The following PARD3B variants were observed in gnomAD, a reference collection of about 807,000 sequenced individuals.
PARD3B encodes the protein par-3 family cell polarity regulator beta, also known as partitioning defective 3 homolog B.
A neutral mutation model predicts 130.2 loss-of-function variants in PARD3B; 103 were observed. That is an observed-to-expected ratio of 0.79 (90% CI 0.67 to 0.93). The LOEUF is 0.93. Among genes scored for constraint, PARD3B ranks in the 40% least tolerant of loss-of-function variants. PARD3B has a pLI of 0.00. For missense variants in PARD3B, 1,609 were observed against 1,499.2 expected, an observed-to-expected ratio of 1.07 and a Z score of -1.21; for synonymous variants, 583 against 553.2, an observed-to-expected ratio of 1.05 and a Z score of -0.76.
At chr2:205,222,930 A>C (rs142055747) in intron 15 of PARD3B, among the ~76,000 whole-genome samples, 13 of 152,276 alleles carry the variant, frequency 8.5e-5, no homozygotes, top group African/African-American at 3.1e-4. Context: ...TTTTGTAAAG[A>C]TGAGTAAAAT....
chr2:205,152,254 A>C (rs954743350), intron 10 of PARD3B, among the ~76,000 whole-genome samples: 1 of 152,060 alleles, frequency 6.6e-6, no homozygotes, highest in East Asian at 1.9e-4. Flanking sequence ...TGCTCTTCTC[A>C]AGGAGTATCT....
intron 16 of PARD3B, among the ~76,000 whole-genome samples, chr2:205,296,450 T>G (rs527817967): frequency 6.6e-6 from 1 of 152,304 alleles, no homozygotes; most frequent in East Asian, 1.9e-4. Context: ...AAGGACCTTC[T>G]GTTTCATAGC....
intron 2 of PARD3B, among the ~76,000 whole-genome samples, chr2:204,783,228 T>G (rs1288300256): frequency 1.3e-5 from 2 of 152,114 alleles, no homozygotes; most frequent in East Asian, 1.9e-4. Flanking sequence ...CTGACCCAAA[T>G]GGAGGGAACC....
At chr2:204,797,200 A>G (rs1201486678) in intron 2 of PARD3B, among the ~76,000 whole-genome samples, 1 of 149,972 alleles carries the variant, frequency 6.7e-6, no homozygotes, top group East Asian at 2.0e-4. Context: ...AAAAAAGTTT[A>G]TGCTATAGAA....
In PARD3B at chr2:204,727,084, A is replaced by G. The variant is rs1012529384; in HGVS notation, c.222+40802A>G. The stretch of plus-strand genomic sequence containing the variant: ...GAACAGTTTGAGAAGTTTATCAAGG[A>G]ATAACTTAAGAAAAATACTGCATGC... On this transcript the variant is annotated intron_variant, in intron 2 of 22. Transcript: ENST00000406610. 4.6e-5 allele frequency among the ~76,000 whole-genome samples: 7 copies of G among 152,348 alleles called. No individual in the cohort carries two copies. The South Asian group carries it at 8.3e-4, about 18-fold the overall frequency.
In PARD3B at chr2:205,421,889, C is replaced by A. The variant is rs1267568097; in HGVS notation, c.2742-18481C>A. On this transcript the variant is annotated intron_variant, in intron 19 of 22. Transcript: ENST00000406610. The surrounding 1 kb of genome is among the most constrained non-coding windows in gnomAD (Gnocchi z 5.1). ...TCTCTCCAATCTCTGCTTCCGTTGT[C>A]ACTTGGCCTTCTCTCTCAGACCTTG... Among the ~76,000 whole-genome samples, 1 of 152,160 alleles carries A rather than the reference C, an allele frequency of 6.6e-6. No individual in the cohort carries two copies. The highest frequency in any genetic ancestry group is 1.5e-5 in the Non-Finnish European group (1 of 68,034).
chr2:205,425,034 C>T (rs146076182), intron 19 of PARD3B, among the ~76,000 whole-genome samples: 1 of 152,296 alleles, frequency 6.6e-6, no homozygotes, highest in East Asian at 1.9e-4. Context: ...GGCAGGGCTC[C>T]CCCAGGGGCA....
chr2:205,261,405 G>A (rs566012498), intron 16 of PARD3B, among the ~76,000 whole-genome samples: 1 of 152,250 alleles, frequency 6.6e-6, no homozygotes, highest in African/African-American at 2.4e-5. Flanking sequence ...ATGAATGAAT[G>A]AATGATTATT....
chr2:204,941,701 A>G (rs236822), intron 2 of PARD3B, among the ~76,000 whole-genome samples: 44,629 of 152,110 alleles, frequency 0.29, 7,919 homozygotes, highest in East Asian at 0.72. Flanking sequence ...ATATATTCTT[A>G]CTTCAATGGC....
intron 15 of PARD3B, among the ~76,000 whole-genome samples, chr2:205,213,749 G>A (rs2125854610): frequency 6.6e-6 from 1 of 152,214 alleles, no homozygotes; most frequent in Non-Finnish European, 1.5e-5. Flanking sequence ...TAAAAGGAAA[G>A]TGTTTGGGAA....
intron 1 of PARD3B, among the ~76,000 whole-genome samples, chr2:204,624,421 A>T (rs994170998): frequency 1.3e-5 from 2 of 152,180 alleles, no homozygotes; most frequent in Non-Finnish European, 2.9e-5. Flanking sequence ...CTACTCAAAA[A>T]ATGAAAAAAT....
intron 18 of PARD3B, among the ~76,000 whole-genome samples, chr2:205,312,615 G>C (rs1187147414): frequency 6.6e-6 from 1 of 152,172 alleles, no homozygotes; most frequent in African/African-American, 2.4e-5. Context: ...TGTTGGAATT[G>C]AGTTAGGCTC....
rs138870049 is a variant in PARD3B, at chr2:204,582,042, G to A, written c.120+35923G>A. Among the ~76,000 whole-genome samples, 134 of 152,232 alleles carry A rather than the reference G, an allele frequency of 8.8e-4. 4 individuals are homozygous for A. The East Asian group carries it at 0.021, about 24-fold the overall frequency. On this transcript the variant is annotated intron_variant, in intron 1 of 22. Transcript: ENST00000406610. The stretch of plus-strand genomic sequence containing the variant: ...GGCATGCAGAAGGAGCTTGGTGAAC[G>A]TTGCCTTTTTGCCCTTTCATGTCAT...
intron 21 of PARD3B, among the ~76,000 whole-genome samples, chr2:205,509,230 A>AAT (rs888176591): frequency 6.6e-6 from 1 of 151,994 alleles, no homozygotes; most frequent in African/African-American, 2.4e-5. Flanking sequence ...ATAGGGAAAA[A>AAT]ATATATATAT....
chr2:205,481,458 G>C (rs1365394799), intron 20 of PARD3B, among the ~76,000 whole-genome samples: 2 of 152,154 alleles, frequency 1.3e-5, no homozygotes, highest in Non-Finnish European at 2.9e-5. Flanking sequence ...GGAGTCAGGA[G>C]CGGAGAGACT....
intron 1 of PARD3B, among the ~76,000 whole-genome samples, chr2:204,581,769 A>T (rs112438507): frequency 2.3e-3 from 352 of 152,314 alleles, no homozygotes; most frequent in African/African-American, 8.1e-3. Flanking sequence ...AAGGTTACAC[A>T]GCTAGTAAGG....
intron 13 of PARD3B, among the ~76,000 whole-genome samples, chr2:205,184,923 G>A (rs1297528903): frequency 6.6e-6 from 1 of 152,076 alleles, no homozygotes; most frequent in Non-Finnish European, 1.5e-5. Context: ...TTGGAAACAT[G>A]GCAGTCTTGC....
At chr2:204,831,715 G>A (rs2043828899) in intron 2 of PARD3B, among the ~76,000 whole-genome samples, 1 of 152,000 alleles carries the variant, frequency 6.6e-6, no homozygotes, top group African/African-American at 2.4e-5. Context: ...TGTTTCTTTT[G>A]TATTAATAGT....
chr2:204,957,214 A>G lies in PARD3B; in HGVS notation c.223-7938A>G, dbSNP rs576722960. ...TGTGATTCAATATAAGATGGGTTTAATGTGTATCTGGCTTCTTTAGGAACA... is the reference window on the plus strand; with the variant it reads ...TGTGATTCAATATAAGATGGGTTTAGTGTGTATCTGGCTTCTTTAGGAACA... On this transcript the variant is annotated intron_variant, in intron 2 of 22. Transcript: ENST00000406610. 2.0e-5 allele frequency among the ~76,000 whole-genome samples: 3 copies of G among 152,290 alleles called. No individual in the cohort carries two copies. In the East Asian group the frequency reaches 5.8e-4, roughly 29 times the overall value.
Sources: gnomAD v4.1 joint callset for allele counts (sites outside exome capture counted in the v4.1 genomes callset) on GRCh38, gnomAD v4.1.1 for gene constraint, Gnocchi (gnomAD v3.1) non-coding constraint, MANE v1.5 for transcripts, NCBI Gene and HGNC (gene_info 2026-07-23, HGNC 2026-07-21) for gene names.